The following UNC80 variants were observed in gnomAD, a reference collection of about 807,000 sequenced individuals.
UNC80 encodes unc-80 subunit of NALCN channel complex, also known as protein unc-80 homolog.
In UNC80, 164 loss-of-function variants were observed where a neutral mutation model predicts 384.6. The ratio of observed to expected loss-of-function variants is 0.43; its 90% confidence interval spans 0.38 to 0.49. The LOEUF (loss-of-function observed/expected upper bound fraction) is 0.49. Among genes scored for constraint, UNC80 ranks in the 20% least tolerant of loss-of-function variants. The pLI, the probability that UNC80 is intolerant of heterozygous loss-of-function variation, is 0.00. For synonymous variants in UNC80, 1,486 were observed against 1,527.8 expected (o/e 0.97, Z 0.64); for missense variants, 3,330 against 4,143.0 (o/e 0.80, Z 5.39).
chr2:209,932,934 A>G (rs1017689946), intron 38 of UNC80, among the ~76,000 whole-genome samples: 1 of 152,194 alleles, frequency 6.6e-6, no homozygotes, highest in Non-Finnish European at 1.5e-5. Context: ...GGTGTCCAGC[A>G]TTTAGAACAC....
At chr2:209,813,028 T>C (rs1233356355) in intron 7 of UNC80, among the ~76,000 whole-genome samples, 1 of 152,254 alleles carries the variant, frequency 6.6e-6, no homozygotes, top group Non-Finnish European at 1.5e-5. Flanking sequence ...CTTAGCATTT[T>C]GTAGCTTTTC....
intron 46 of UNC80, 104 bp from the exon 47 acceptor site, chr2:209,945,743 A>G: frequency 1.5e-6 from 1 of 654,818 alleles, no homozygotes; most frequent in Admixed American, 3.1e-5. Flanking sequence ...TAACAAGAAA[A>G]GGCTACAGTA....
chr2:209,928,207 G>C (rs554952082), intron 36 of UNC80, among the ~76,000 whole-genome samples: 2 of 151,958 alleles, frequency 1.3e-5, no homozygotes, highest in Non-Finnish European at 2.9e-5. Flanking sequence ...GTGGTGGCAC[G>C]TGCCTGTAAT....
At chr2:209,922,140 A>AG in intron 34 of UNC80, 112 bp from the exon 35 acceptor site, 1 of 1,235,892 alleles carries the variant, frequency 8.1e-7, no homozygotes, top group Non-Finnish European at 1.1e-6. Flanking sequence ...ACTCAAAATT[A>AG]TTTAAGCCTT....
chr2:209,790,234 A>G (rs1035495634), intron 6 of UNC80, among the ~76,000 whole-genome samples: 2 of 152,182 alleles, frequency 1.3e-5, no homozygotes, highest in Non-Finnish European at 2.9e-5. Context: ...CGATACTACC[A>G]TTAACTTATG....
At chr2:209,811,128 C>T (rs2079318305) in intron 7 of UNC80, among the ~76,000 whole-genome samples, 1 of 152,096 alleles carries the variant, frequency 6.6e-6, no homozygotes, top group Non-Finnish European at 1.5e-5. Context: ...AACTGGGTCT[C>T]AGGATACACA....
Position 209,992,168 on chromosome 2 carries a change from T to A in UNC80, c.9317T>A (p.Val3106Glu). The change falls in exon 62 of 65, where the codon GTG becomes GAG. Residue 3106 changes from valine to glutamate, a missense_variant and splice_region_variant. This residue lies in a region of UNC80 where 216 missense variants were observed against 245.3 expected (regional missense o/e 0.88). Transcript: ENST00000673920. ...CTAACACTGTTGATGCTTGGCAGGG[T>A]GGCAAGTATACAGAGTGAACCTGGT... ...GLAAEGSLSR[V>E]ASIQSEPGQQ... The A allele has an allele frequency of 1.3e-6, 2 of 1,551,476 alleles. No individual in the cohort carries two copies. The highest frequency in any genetic ancestry group is 1.7e-6 in the Non-Finnish European group (2 of 1,146,870).
chr2:209,878,642 A>G (rs903531113), intron 24 of UNC80, among the ~76,000 whole-genome samples: 1 of 152,234 alleles, frequency 6.6e-6, no homozygotes, highest in African/African-American at 2.4e-5. Context: ...TATTAAATTT[A>G]TAATAGAATT....
rs1559143813 is a variant in UNC80 at position 209,820,346 on chromosome 2, T to C, written c.1998T>C (p.His666=). ...AGGCTGTTTATCTTGTCCTTAATCA[T>C]GACATCAGCTCTCGTATCTGTGACG... ...VLKAVYLVLN[H]DISSRICDVA... The change falls in exon 13 of 65, where the codon CAT becomes CAC. Residue 666 remains histidine (H), a synonymous_variant. Coordinates refer to ENST00000673920, the MANE Select transcript of UNC80 (RefSeq NM_001371986.1). 6.5e-7 allele frequency: 1 copy of C among 1,549,998 alleles called. No homozygotes were observed. The highest frequency in any genetic ancestry group is 1.7e-4 in the Middle Eastern group (1 of 5,980).
intron 64 of UNC80, among the ~76,000 whole-genome samples, chr2:209,995,102 A>G (rs1411398372): frequency 6.6e-6 from 1 of 152,238 alleles, no homozygotes; most frequent in Non-Finnish European, 1.5e-5. Context: ...TGATCCTCAC[A>G]GTCTACAAGA....
intron 4 of UNC80, among the ~76,000 whole-genome samples, chr2:209,784,100 A>G (rs2077293020): frequency 6.6e-6 from 1 of 152,144 alleles, no homozygotes; most frequent in Non-Finnish European, 1.5e-5. Flanking sequence ...AATCCTTGAC[A>G]ACTTTTTCTC....
At chr2:209,935,357 C>T (rs187232448) in intron 39 of UNC80, among the ~76,000 whole-genome samples, 72 of 152,242 alleles carry the variant, frequency 4.7e-4, no homozygotes, top group African/African-American at 1.7e-3. Flanking sequence ...CGCGGTGGCT[C>T]ACTCCTGTAA....
rs368627996 is a variant in UNC80 at position 209,844,451 on chromosome 2, T to TTTTCTTTCTTTCTTTC, written c.3454+2018_3454+2033dup. ...CTCTTTCTCTTTTCTTGCTCTTTTC[T>TTTTCTTTCTTTCTTTC]TTTCTTTCTTTCTTTCTTTCTTTCT... On this transcript the variant is annotated intron_variant, in intron 21 of 64. Transcript: ENST00000673920. 1.2e-3 allele frequency among the ~76,000 whole-genome samples: 71 copies of TTTTCTTTCTTTCTTTC among 58,224 alleles called. 3 individuals carry two copies. The highest frequency in any genetic ancestry group is 3.6e-3 in the African/African-American group (46 of 12,882). 38.2% of individuals were successfully genotyped at this position (58,224 alleles called of 152,430 possible).
intron 7 of UNC80, among the ~76,000 whole-genome samples, chr2:209,808,300 C>T (rs1395528865): frequency 6.6e-6 from 1 of 151,974 alleles, no homozygotes; most frequent in Non-Finnish European, 1.5e-5. Context: ...TGGTGGTTCA[C>T]GCCTGTAATC....
intron 28 of UNC80, among the ~76,000 whole-genome samples, chr2:209,898,754 C>T (rs77294992): frequency 0.022 from 3,334 of 152,194 alleles, 38 homozygotes; most frequent in Non-Finnish European, 0.035. Flanking sequence ...CCCACCTCTC[C>T]CTCAACCCCC....
intron 56 of UNC80, among the ~76,000 whole-genome samples, chr2:209,975,118 GA>G (rs1156892166): frequency 6.6e-6 from 1 of 152,180 alleles, no homozygotes; most frequent in Non-Finnish European, 1.5e-5. Context: ...GGATTTTAGA[GA>G]ATTGGATTTC....
intron 4 of UNC80, among the ~76,000 whole-genome samples, chr2:209,781,097 G>A (rs2153824899): frequency 6.6e-6 from 1 of 152,250 alleles, no homozygotes; most frequent in South Asian, 2.1e-4. Context: ...ATAAGACATG[G>A]TGCTATAGGA....
At chr2:209,848,557 A>G (rs2082313868) in intron 21 of UNC80, among the ~76,000 whole-genome samples, 1 of 152,162 alleles carries the variant, frequency 6.6e-6, no homozygotes, top group Admixed American at 6.6e-5. Flanking sequence ...TATTTGCTTC[A>G]TCTATCTTTC....
intron 2 of UNC80, among the ~76,000 whole-genome samples, chr2:209,774,002 A>T (rs988211224): frequency 6.6e-6 from 1 of 152,250 alleles, no homozygotes; most frequent in East Asian, 1.9e-4. Flanking sequence ...CACAGCCTTC[A>T]TTAATATTTG....
Sources: allele counts gnomAD v4.1 joint callset (sites outside exome capture counted in the v4.1 genomes callset), GRCh38; gene constraint gnomAD v4.1.1; regional missense constraint gnomAD v4.1.1; transcripts MANE v1.5; gene names NCBI Gene and HGNC (gene_info 2026-07-23, HGNC 2026-07-21).